Variants in VAV2 observed in about 807,000 individuals in gnomAD.
VAV2 encodes the protein vav guanine nucleotide exchange factor 2, also known as guanine nucleotide exchange factor VAV2.
Under a neutral mutation model 132.5 loss-of-function variants are expected in VAV2, and 67 were observed. That is an observed-to-expected ratio of 0.51 (90% CI 0.42 to 0.62). The LOEUF is 0.62. Among genes scored for constraint, VAV2 ranks in the 20% least tolerant of loss-of-function variants. The pLI is 0.00. For missense variants in VAV2, 938 were observed against 1,153.6 expected, an observed-to-expected ratio of 0.81 and a Z score of 2.71; for synonymous variants, 492 against 443.5, an observed-to-expected ratio of 1.11 and a Z score of -1.37.
intron 1 of VAV2, among the ~76,000 whole-genome samples, chr9:133,958,510 T>A (rs910970647): frequency 6.6e-6 from 1 of 150,968 alleles, no homozygotes; most frequent in African/African-American, 2.4e-5. Context: ...CTCTCCCCAC[T>A]ATTGTCTTGT....
chr9:133,778,709 C>A, intron 22 of VAV2, 53 bp downstream of exon 22: 1 of 1,599,748 alleles, frequency 6.3e-7, no homozygotes, highest in South Asian at 1.1e-5. Flanking sequence ...CCCCAGGGAG[C>A]AGGGAGGAGC....
intron 2 of VAV2, among the ~76,000 whole-genome samples, chr9:133,910,684 C>T (rs545406151): frequency 1.9e-4 from 29 of 151,032 alleles, no homozygotes; most frequent in African/African-American, 6.8e-4. Flanking sequence ...CTTAGCCGAG[C>T]GTGGTGGCGG....
chr9:133,960,792 C>T (rs1588175891), intron 1 of VAV2, among the ~76,000 whole-genome samples: 1 of 152,212 alleles, frequency 6.6e-6, no homozygotes, highest in Non-Finnish European at 1.5e-5. Context: ...AGAGGAGCTG[C>T]AGCCTCCCTG....
At chr9:133,972,628 C>T (rs1414508220) in intron 1 of VAV2, among the ~76,000 whole-genome samples, 1 of 152,242 alleles carries the variant, frequency 6.6e-6, no homozygotes, top group Admixed American at 6.5e-5. Context: ...GGAGCACAGA[C>T]AGTCAGAGTC....
chr9:133,959,405 C>A (rs1564502733), intron 1 of VAV2, among the ~76,000 whole-genome samples: 1 of 152,148 alleles, frequency 6.6e-6, no homozygotes, highest in Non-Finnish European at 1.5e-5. Flanking sequence ...CCAGACTGCT[C>A]CTTCCCAGGG....
In VAV2 at chr9:133,794,056, G is replaced by A. The variant is rs537750043; in HGVS notation, c.1101+1612C>T. On this transcript the variant is annotated intron_variant, in intron 12 of 29. Coordinates refer to ENST00000371850, the MANE Select transcript of VAV2 (RefSeq NM_001134398.2). The surrounding 1 kb of genome is among the most constrained non-coding windows in gnomAD (Gnocchi z 4.6). ...AGCTACACTCCTGGGAAACCATCCC[G>A]TCGAGGGGCTCAGAGCCACTCGCCA... Among the ~76,000 whole-genome samples, 3 of 152,206 alleles carry A rather than the reference G, an allele frequency of 2.0e-5. No individual in the cohort carries two copies. Among genetic ancestry groups the A allele is most frequent in the Non-Finnish European group, 2.9e-5 (2 of 68,008 alleles).
rs762272210 is a variant in VAV2, at chr9:133,774,963, C to T, written c.2107G>A (p.Glu703Lys). 18 of 1,613,382 alleles carry T rather than the reference C, an allele frequency of 1.1e-5. No homozygotes were observed. Among genetic ancestry groups the T allele is most frequent in the South Asian group, 9.9e-5 (9 of 91,064 alleles). ...ATGCTTATTGCAAAGCGCTCAGCCT[C>T]GGCAGGCCGCTCCCTGATCAGGTAG... is the stretch of plus-strand genomic sequence containing the variant. Reference protein sequence around the residue: ...GTYLIRERPAEAERFAISIKF... With the variant: ...GTYLIRERPAKAERFAISIKF... Residue 703 changes from glutamate to lysine, a missense_variant, in exon 25 of 30, where the codon GAG becomes AAG. Physicochemically the swap from Glu to Lys is moderately conservative, Grantham distance 56 (BLOSUM62 1). Transcript: ENST00000371850.
At chr9:133,841,364 G>A (rs1407926430) in intron 3 of VAV2, among the ~76,000 whole-genome samples, 1 of 151,952 alleles carries the variant, frequency 6.6e-6, no homozygotes, top group African/African-American at 2.4e-5. Context: ...ATGTGGCAGC[G>A]AACTCCTCTG....
At chr9:133,806,039 CA>C (rs769308931) in intron 9 of VAV2, 41 bp downstream of exon 9, 1 of 1,587,096 alleles carries the variant, frequency 6.3e-7, no homozygotes. Context: ...CTCCCGCAGA[CA>C]GGGAGGGGCC....
chr9:133,890,468 G>A (rs2519766), intron 2 of VAV2, among the ~76,000 whole-genome samples: 111,061 of 151,998 alleles, frequency 0.73, 42,911 homozygotes, highest in Middle Eastern at 0.91. Flanking sequence ...AATGGGAAAA[G>A]TGCCGAGGGT....
intron 3 of VAV2, among the ~76,000 whole-genome samples, chr9:133,860,902 G>A (rs750092388): frequency 5.3e-5 from 8 of 152,096 alleles, no homozygotes; most frequent in Non-Finnish European, 1.2e-4. Context: ...TGCAGTCCAA[G>A]CAGAATAAAC....
Position 133,762,057 on chromosome 9 carries a change from AG to A in VAV2, c.*2004del, listed in dbSNP as rs1205178310. 1 of 152,520 alleles carries A rather than the reference AG, an allele frequency of 6.6e-6. No individual in the cohort carries two copies. Among genetic ancestry groups the A allele is most frequent in the Non-Finnish European group, 1.5e-5 (1 of 68,010 alleles). The allele number at this position is 152,520 out of a possible 1,614,324, so 9.4% of individuals were successfully genotyped here. On this transcript the variant is annotated 3_prime_UTR_variant, in exon 30 of 30. Transcript: ENST00000371850. The surrounding 1 kb of genome is among the most constrained non-coding windows in gnomAD (Gnocchi z 5.0). ...CTCCCACATGTTCACAGCTAATCTCAGGCCCCTGCAGTTTAGCCCCCTGCAG... is the reference window on the plus strand; with the variant it reads ...CTCCCACATGTTCACAGCTAATCTCAGCCCCTGCAGTTTAGCCCCCTGCAG...
In VAV2 at chr9:133,879,889, T is replaced by C. The variant is rs995607091; in HGVS notation, c.322-18457A>G. Among the ~76,000 whole-genome samples the C allele has an allele frequency of 3.1e-4, 47 of 152,242 alleles. No individual in the cohort carries two copies. Among genetic ancestry groups the C allele is most frequent in the African/African-American group, 1.1e-3 (47 of 41,464 alleles). On this transcript the variant is annotated intron_variant, in intron 2 of 29. Coordinates refer to ENST00000371850, the MANE Select transcript of VAV2 (RefSeq NM_001134398.2). This position sits in a 1 kb window ranked among gnomAD's most constrained non-coding sequence, Gnocchi z 4.4. ...CATCCAGATTTGCTTCCAAGCGGTT[T>C]TACCTTGATGACTGCTTAATCCTGG...
chr9:133,913,864 A>T (rs1839966251), intron 2 of VAV2, among the ~76,000 whole-genome samples: 1 of 152,202 alleles, frequency 6.6e-6, no homozygotes. Context: ...GCAAAGGAGG[A>T]GCAGGAGGTG....
chr9:133,771,192 T>C (rs1833613142), intron 26 of VAV2, among the ~76,000 whole-genome samples: 1 of 151,396 alleles, frequency 6.6e-6, no homozygotes, highest in Non-Finnish European at 1.5e-5. Flanking sequence ...GCCTCCCAAG[T>C]AGGGGGGACT....
At chr9:133,852,891 T>G (rs1837241032) in intron 3 of VAV2, among the ~76,000 whole-genome samples, 1 of 152,188 alleles carries the variant, frequency 6.6e-6, no homozygotes, top group South Asian at 2.1e-4. Flanking sequence ...CTGCCATTTC[T>G]GTGCTACACA....
intron 4 of VAV2, among the ~76,000 whole-genome samples, chr9:133,816,535 A>T (rs1564374216): frequency 6.6e-6 from 1 of 152,178 alleles, no homozygotes; most frequent in Non-Finnish European, 1.5e-5. Flanking sequence ...CTTTTTTCCC[A>T]TAGGAATATC....
At chr9:133,827,769 A>G (rs1193015093) in intron 4 of VAV2, among the ~76,000 whole-genome samples, 1 of 30,882 alleles carries the variant, frequency 3.2e-5, no homozygotes, top group Non-Finnish European at 1.8e-4. Context: ...ACTGGGGCTG[A>G]CCACTGAGCA....
At chr9:133,896,255 G>A (rs1336282526) in intron 2 of VAV2, among the ~76,000 whole-genome samples, 3 of 152,086 alleles carry the variant, frequency 2.0e-5, no homozygotes, top group African/African-American at 7.2e-5. Context: ...AGGAGTTCAC[G>A]CCAGCCTGGC....
Sources: gnomAD v4.1 joint callset for allele counts (sites outside exome capture counted in the v4.1 genomes callset) on GRCh38, gnomAD v4.1.1 for gene constraint, Gnocchi (gnomAD v3.1) non-coding constraint, MANE v1.5 for transcripts, NCBI Gene and HGNC (gene_info 2026-07-23, HGNC 2026-07-21) for gene names.